Variants in DDX60 observed in about 807,000 individuals in gnomAD.
The protein encoded by DDX60 is DExD/H-box helicase 60.
Under a neutral mutation model 212.8 loss-of-function variants are expected in DDX60, and 165 were observed. The ratio of observed to expected loss-of-function variants is 0.78; its 90% confidence interval spans 0.68 to 0.88. The LOEUF (loss-of-function observed/expected upper bound fraction) is 0.88. DDX60 is among the 40% of genes least tolerant of loss of function. DDX60 has a pLI of 0.00. For missense variants in DDX60, 1,905 were observed against 2,003.9 expected (o/e 0.95, Z 0.94); for synonymous variants, 703 against 685.3 (o/e 1.03, Z -0.40).
chr4:168,228,376 T>C (rs1733331084), intron 33 of DDX60, among the ~76,000 whole-genome samples: 1 of 152,118 alleles, frequency 6.6e-6, no homozygotes, highest in East Asian at 1.9e-4. Context: ...TACATTTACA[T>C]TTAATATAAC....
At chr4:168,261,486 A>G (rs1170457186) in intron 24 of DDX60, among the ~76,000 whole-genome samples, 1 of 152,228 alleles carries the variant, frequency 6.6e-6, no homozygotes, top group Non-Finnish European at 1.5e-5. Context: ...TCATTCCTCA[A>G]TCTGTGCCAA....
chr4:168,315,141 T>C (rs2149558219), intron 1 of DDX60, among the ~76,000 whole-genome samples: 2 of 152,292 alleles, frequency 1.3e-5, no homozygotes, highest in South Asian at 4.1e-4. Flanking sequence ...ATCTATAAAA[T>C]TGGAACAATA....
chr4:168,304,465 C>G (rs1156998036), intron 5 of DDX60, among the ~76,000 whole-genome samples: 1 of 152,086 alleles, frequency 6.6e-6, no homozygotes, highest in African/African-American at 2.4e-5. Flanking sequence ...TTTTGGGAGG[C>G]TGAGGCAGTC....
At chr4:168,258,563 G>A (rs935867161) in intron 25 of DDX60, among the ~76,000 whole-genome samples, 3 of 152,120 alleles carry the variant, frequency 2.0e-5, no homozygotes, top group Non-Finnish European at 4.4e-5. Flanking sequence ...ATCAAATTGT[G>A]TAATACCAAG....
chr4:168,284,808 C>A lies in DDX60; in HGVS notation c.1561+12G>T. 1 of 1,349,466 alleles carries A rather than the reference C, an allele frequency of 7.4e-7. No individual in the cohort carries two copies. The highest frequency in any genetic ancestry group is 1.5e-5 in the South Asian group (1 of 65,378). 83.6% of individuals were successfully genotyped at this position (1,349,466 alleles called of 1,614,324 possible). A position where few individuals can be genotyped will look rare whatever the true frequency, so the allele number is the denominator to read the frequency against. On this transcript the variant is annotated intron_variant, in intron 12 of 37. Transcript: ENST00000393743. Reference sequence around the variant, plus strand: ...AGATTTAAATTTATATCACTGGAGTCACAGAGCTTACCATCAAACTGACAC... The same window carrying A: ...AGATTTAAATTTATATCACTGGAGTAACAGAGCTTACCATCAAACTGACAC...
At chr4:168,281,268 C>T (rs1735581610) in intron 13 of DDX60, among the ~76,000 whole-genome samples, 1 of 152,198 alleles carries the variant, frequency 6.6e-6, no homozygotes, top group Non-Finnish European at 1.5e-5. Flanking sequence ...TTCCATTCTT[C>T]CCACATCACC....
Position 168,237,423 on chromosome 4 carries a change from T to C in DDX60, c.4274A>G (p.Tyr1425Cys), listed in dbSNP as rs190525669. The change falls in exon 32 of 38, where the codon TAT becomes TGT. Residue 1425 changes from tyrosine (Y) to cysteine (C), a missense_variant. Coordinates refer to ENST00000393743, the MANE Select transcript of DDX60 (RefSeq NM_017631.6). Reference protein sequence around the residue: ...FSLQFLVKEGYLDQEGNPMGF... With the variant: ...FSLQFLVKEGCLDQEGNPMGF... Reference sequence around the variant, plus strand: ...CATAGGATTACCTTCTTGATCTAAATAGCCCTAAAGAACAAAAAACAATTT... The same window carrying C: ...CATAGGATTACCTTCTTGATCTAAACAGCCCTAAAGAACAAAAAACAATTT... 5.4e-5 allele frequency: 84 copies of C among 1,569,530 alleles called. No homozygotes were observed. In the East Asian group the frequency reaches 1.4e-3, roughly 26 times the overall value.
intron 22 of DDX60, among the ~76,000 whole-genome samples, chr4:168,264,468 G>A (rs1010903972): frequency 2.6e-5 from 4 of 151,960 alleles, no homozygotes; most frequent in East Asian, 3.9e-4. Context: ...TTACTTATTC[G>A]ACCTATCTAA....
chr4:168,299,980 A>G (rs999466075), intron 6 of DDX60, among the ~76,000 whole-genome samples: 5 of 152,206 alleles, frequency 3.3e-5, no homozygotes, highest in Non-Finnish European at 5.9e-5. Context: ...TAACCAGATA[A>G]AGGCAATTCA....
intron 37 of DDX60, among the ~76,000 whole-genome samples, chr4:168,219,367 A>G (rs1732967811): frequency 6.6e-6 from 1 of 152,124 alleles, no homozygotes; most frequent in African/African-American, 2.4e-5. Flanking sequence ...CAATGCTTCA[A>G]TACTTCTTGG....
intron 5 of DDX60, among the ~76,000 whole-genome samples, chr4:168,306,011 G>A (rs1736858891): frequency 6.6e-6 from 1 of 152,154 alleles, no homozygotes; most frequent in Non-Finnish European, 1.5e-5. Context: ...ACAGGGGCTT[G>A]AGTCCAACTG....
intron 17 of DDX60, 86 bp from the exon 18 acceptor site, chr4:168,273,484 TC>T (rs1735191873): frequency 1.9e-6 from 3 of 1,539,720 alleles, no homozygotes; most frequent in Non-Finnish European, 2.6e-6. Context: ...TAAAAGTGTG[TC>T]CTGCTTTCAG....
chr4:168,293,881 A>G lies in DDX60; in HGVS notation c.788T>C (p.Phe263Ser). ...AGATAATGAGCATGAAGTAACACAA[A>G]AGACACGCCGAATGTCAGATCCTTC... ...WPEGSDIRRVFCVTSCSLSLR... is the reference protein window; with the variant it reads ...WPEGSDIRRVSCVTSCSLSLR... The change falls in exon 7 of 38, where the codon TTT (phenylalanine) becomes TCT (serine). Residue 263 changes from phenylalanine (F) to serine (S), a missense_variant. By Grantham distance (155) the Phe-to-Ser change is radical (BLOSUM62 -2). Coordinates refer to ENST00000393743, the MANE Select transcript of DDX60 (RefSeq NM_017631.6). The G allele has an allele frequency of 1.2e-6, 2 of 1,614,066 alleles. No individual in the cohort carries two copies. The highest frequency in any genetic ancestry group is 1.7e-6 in the Non-Finnish European group (2 of 1,179,974).
chr4:168,232,638 G>A (rs1173709297), intron 33 of DDX60, among the ~76,000 whole-genome samples: 1 of 152,016 alleles, frequency 6.6e-6, no homozygotes, highest in Non-Finnish European at 1.5e-5. Flanking sequence ...ACGTGGTGCT[G>A]GGATAATTGG....
At chr4:168,311,111 A>T (rs1451591501) in intron 2 of DDX60, 44 bp from the exon 3 acceptor site, 1 of 1,433,106 alleles carries the variant, frequency 7.0e-7, no homozygotes, top group Non-Finnish European at 9.7e-7. Flanking sequence ...GTTATTTTTC[A>T]ATTGGTCCTT....
intron 8 of DDX60, among the ~76,000 whole-genome samples, chr4:168,290,415 G>A (rs1287452915): frequency 6.8e-6 from 1 of 146,952 alleles, no homozygotes; most frequent in Admixed American, 7.0e-5. Flanking sequence ...TGCAAGCTCC[G>A]CCTCCTGGGT....
rs1038362118 is a variant in DDX60 at position 168,287,064 on chromosome 4, T to C, written c.1323A>G (p.Lys441=). The C allele has an allele frequency of 1.9e-6, 3 of 1,604,920 alleles. No homozygotes were observed. The highest frequency in any genetic ancestry group is 1.8e-4 in the Middle Eastern group (1 of 5,648). ...RTTKVCFLEK[K]PSPIKDSSNE... ...ATTTATTACCTTTGATTGGTGATGG[T>C]TTCTTTTCAAGAAAACAAACTTTTG... Residue 441 remains lysine, a synonymous_variant, in exon 10 of 38, where the codon AAA becomes AAG. Coordinates refer to ENST00000393743, the MANE Select transcript of DDX60 (RefSeq NM_017631.6).
At chr4:168,278,415 A>G (rs1000858141) in intron 14 of DDX60, among the ~76,000 whole-genome samples, 2 of 152,236 alleles carry the variant, frequency 1.3e-5, no homozygotes, top group Non-Finnish European at 2.9e-5. Context: ...AAAGCATTGA[A>G]TCTGTATGAA....
chr4:168,237,501 A>G (rs1157287631), intron 31 of DDX60, 74 bp from the exon 32 acceptor site: 1 of 1,400,330 alleles, frequency 7.1e-7, no homozygotes. Context: ...GTACCAGTTT[A>G]AAATAGTATT....
Sources: gnomAD v4.1 joint callset for allele counts (sites outside exome capture counted in the v4.1 genomes callset) on GRCh38, gnomAD v4.1.1 for gene constraint, MANE v1.5 for transcripts, NCBI Gene and HGNC (gene_info 2026-07-23, HGNC 2026-07-21) for gene names.